RASGEF1A: variants seen among roughly 807,000 people sequenced by gnomAD.
The protein encoded by RASGEF1A is RasGEF domain family member 1A, also known as ras-GEF domain-containing family member 1A.
A neutral mutation model predicts 56.4 loss-of-function variants in RASGEF1A; 18 were observed. The observed-to-expected ratio is 0.32, with a 90% CI of 0.22 to 0.47. The LOEUF (loss-of-function observed/expected upper bound fraction) is 0.47, where lower values mean the gene tolerates loss of function less well. Ranked by LOEUF, RASGEF1A falls within the 20% of genes least tolerant of loss-of-function variation. The probability of loss-of-function intolerance (pLI) is 1.00; values close to 1 mark genes in which losing one functional copy is unlikely to be tolerated. For missense variants in RASGEF1A, 422 were observed against 627.1 expected, an observed-to-expected ratio of 0.67 and a Z score of 3.49; for synonymous variants, 245 against 242.6, an observed-to-expected ratio of 1.01 and a Z score of -0.09.
chr10:43,264,747 C>T (rs991360902), intron 1 of RASGEF1A, among the ~76,000 whole-genome samples: 1 of 151,772 alleles, frequency 6.6e-6, no homozygotes, highest in Non-Finnish European at 1.5e-5. Flanking sequence ...CTGGCACCTA[C>T]CCCCAGCAGC....
In RASGEF1A at chr10:43,196,372, G is replaced by C; in HGVS notation, c.1421+104C>G. On this transcript the variant is annotated intron_variant, in intron 12 of 12. Coordinates refer to ENST00000395810, the MANE Select transcript of RASGEF1A (RefSeq NM_145313.4). This position sits in a 1 kb window ranked among gnomAD's most constrained non-coding sequence, Gnocchi z 4.6. ...ACATGCACCAGGGACCCTGGACCAGGGACGCGGCAGTGCCCAGGCTCCCTT... is the reference window on the plus strand; with the variant it reads ...ACATGCACCAGGGACCCTGGACCAGCGACGCGGCAGTGCCCAGGCTCCCTT... 2 of 1,560,230 alleles carry C rather than the reference G, an allele frequency of 1.3e-6. No individual in the cohort carries two copies. Among genetic ancestry groups the C allele is most frequent in the South Asian group, 2.2e-5 (2 of 89,886 alleles).
chr10:43,221,392 C>T lies in RASGEF1A; in HGVS notation c.-6-15270G>A, dbSNP rs1840205449. Among the ~76,000 whole-genome samples the T allele has an allele frequency of 3.3e-5, 5 of 152,344 alleles. No homozygotes were observed. The South Asian group carries it at 1.0e-3, about 32-fold the overall frequency. On this transcript the variant is annotated intron_variant, in intron 1 of 12. Coordinates refer to ENST00000395810, the MANE Select transcript of RASGEF1A (RefSeq NM_145313.4). ...GAACCTAAGCCAGACACAGCCGTCT[C>T]CATGCCTCCCCAGGGTGGCCCTCCT...
chr10:43,254,835 G>T (rs1160890731), intron 1 of RASGEF1A, among the ~76,000 whole-genome samples: 2 of 152,190 alleles, frequency 1.3e-5, no homozygotes, highest in Non-Finnish European at 2.9e-5. Context: ...AGGGAACAAA[G>T]GAGACAGTCC....
intron 1 of RASGEF1A, among the ~76,000 whole-genome samples, chr10:43,237,333 GT>G (rs1840442754): frequency 6.6e-6 from 1 of 151,984 alleles, no homozygotes; most frequent in South Asian, 2.1e-4. Context: ...CTCCTAGTCT[GT>G]TCTCCTGCTT....
At chr10:43,235,215 A>C (rs1840415052) in intron 1 of RASGEF1A, among the ~76,000 whole-genome samples, 1 of 152,218 alleles carries the variant, frequency 6.6e-6, no homozygotes, top group Admixed American at 6.5e-5. Context: ...TCTGATGCGC[A>C]AGGCAACATC....
intron 2 of RASGEF1A, chr10:43,203,842 G>A: frequency 1.0e-6 from 1 of 974,904 alleles, no homozygotes; most frequent in Non-Finnish European, 1.2e-6. Context: ...GGGGGATGCA[G>A]GGAGGTTGGC....
Position 43,195,054 on chromosome 10 carries a change from TC to T in RASGEF1A, c.*1189del, listed in dbSNP as rs1250341374. The stretch of plus-strand genomic sequence containing the variant: ...ATCCTCACCCAGGCTTCCCCATTGA[TC>T]AAGGCTCCTGCGGAAACTGGGAATG... On this transcript the variant is annotated 3_prime_UTR_variant, in exon 13 of 13. Coordinates refer to ENST00000395810, the MANE Select transcript of RASGEF1A (RefSeq NM_145313.4). This position sits in a 1 kb window ranked among gnomAD's most constrained non-coding sequence, Gnocchi z 4.2. The T allele has an allele frequency of 1.4e-5, 2 of 144,304 alleles. No individual in the cohort carries two copies. The highest frequency in any genetic ancestry group is 5.2e-5 in the African/African-American group (2 of 38,152). The allele number at this position is 144,304 out of a possible 1,614,324, so 8.9% of individuals were successfully genotyped here. A position where few individuals can be genotyped will look rare whatever the true frequency, so the allele number is the denominator to read the frequency against.
intron 1 of RASGEF1A, among the ~76,000 whole-genome samples, chr10:43,236,878 AG>A (rs1329089000): frequency 4.0e-5 from 6 of 151,752 alleles, no homozygotes; most frequent in Admixed American, 1.3e-4. Context: ...GTAGGGGACA[AG>A]GGGGGGATGC....
intron 1 of RASGEF1A, among the ~76,000 whole-genome samples, chr10:43,223,376 A>G (rs1840234053): frequency 6.6e-6 from 1 of 152,218 alleles, no homozygotes; most frequent in African/African-American, 2.4e-5. Flanking sequence ...ACTTCATAAA[A>G]AAAATCCCTA....
chr10:43,260,895 G>C (rs1836516106), intron 1 of RASGEF1A, among the ~76,000 whole-genome samples: 1 of 152,198 alleles, frequency 6.6e-6, no homozygotes, highest in African/African-American at 2.4e-5. Flanking sequence ...AACTCTTTTA[G>C]AGTTATCTAT....
intron 1 of RASGEF1A, among the ~76,000 whole-genome samples, chr10:43,258,176 G>T (rs938128015): frequency 6.6e-6 from 1 of 152,244 alleles, no homozygotes; most frequent in African/African-American, 2.4e-5. Flanking sequence ...CCCTGCGCCA[G>T]TCAACTCTTC....
Position 43,200,762 on chromosome 10 carries a change from T to C in RASGEF1A, c.586A>G (p.Ile196Val), listed in dbSNP as rs777006800. The change falls in exon 5 of 13, where the codon ATC becomes GTC. Residue 196 changes from isoleucine (I) to valine (V), a missense_variant. By Grantham distance (29) the Ile-to-Val change is conservative. Transcript: ENST00000395810. ...LRPPAVDKGP[I>V]LKTKPPAAQK... The stretch of plus-strand genomic sequence containing the variant: ...GCGGCTGGTGGCTTGGTCTTGAGGA[T>C]GGGCCCCTTGTCTACAGCCGGTGGC... The C allele has an allele frequency of 3.0e-5, 49 of 1,613,824 alleles. 1 individual carries two copies. In the Admixed American group the frequency reaches 8.0e-4, roughly 26 times the overall value.
intron 1 of RASGEF1A, chr10:43,208,251 C>T (rs993683040): frequency 6.2e-5 from 61 of 985,322 alleles, no homozygotes; most frequent in Non-Finnish European, 7.2e-5. Flanking sequence ...GGGCATTTGC[C>T]GAGCCACTGG....
At chr10:43,255,249 C>T (rs4285827) in intron 1 of RASGEF1A, among the ~76,000 whole-genome samples, 25,470 of 152,210 alleles carry the variant, frequency 0.17, 2,277 homozygotes, top group South Asian at 0.22. Flanking sequence ...CCTCCAGGCC[C>T]CTCACACCAC....
chr10:43,199,051 G>A lies in RASGEF1A; in HGVS notation c.953-39C>T, dbSNP rs749214533. ...CAGGTAGGGTCAGGGCCGGGGGGGT[G>A]GGCCATGCAGCAGCCCCACCCTGGG... On this transcript the variant is annotated intron_variant, in intron 8 of 12. Coordinates refer to ENST00000395810, the MANE Select transcript of RASGEF1A (RefSeq NM_145313.4). 1.9e-5 allele frequency: 31 copies of A among 1,592,992 alleles called. No individual in the cohort carries two copies. In the Admixed American group the frequency reaches 4.5e-4, roughly 23 times the overall value.
rs1256690112 is a variant in RASGEF1A at position 43,220,369 on chromosome 10, T to C, written c.-6-14247A>G. ...TTAGCCAGGGGCAGTGGCATACACC[T>C]GTAATCCCAGCTACTCAGGAGGCTG... is the stretch of plus-strand genomic sequence containing the variant. On this transcript the variant is annotated intron_variant, in intron 1 of 12. Coordinates refer to ENST00000395810, the MANE Select transcript of RASGEF1A (RefSeq NM_145313.4). Among the ~76,000 whole-genome samples, 32 of 152,084 alleles carry C rather than the reference T, an allele frequency of 2.1e-4. 1 individual carries two copies. Among genetic ancestry groups the C allele is most frequent in the Admixed American group, 2.1e-3 (32 of 15,278 alleles).
chr10:43,263,898 C>T lies in RASGEF1A; in HGVS notation c.-7+2947G>A, dbSNP rs140184225. On this transcript the variant is annotated intron_variant, in intron 1 of 12. Transcript: ENST00000395810. ...GCAGGGGTGGCCACAGCAGCAGTCA[C>T]ACCCCCACCCCGTCCATCACAGCAC... 1.5e-3 allele frequency among the ~76,000 whole-genome samples: 222 copies of T among 152,250 alleles called. 5 individuals are homozygous for T. In the East Asian group the frequency reaches 0.039, roughly 27 times the overall value.
intron 1 of RASGEF1A, among the ~76,000 whole-genome samples, chr10:43,251,895 G>A (rs1323595289): frequency 6.6e-6 from 1 of 152,220 alleles, no homozygotes; most frequent in African/African-American, 2.4e-5. Flanking sequence ...AGGTTCGGAA[G>A]GGACAGGTGA....
At chr10:43,220,015 C>T (rs1684805965) in intron 1 of RASGEF1A, among the ~76,000 whole-genome samples, 1 of 152,174 alleles carries the variant, frequency 6.6e-6, no homozygotes, top group African/African-American at 2.4e-5. Context: ...AGTCTGGCAG[C>T]CTCTGGGAAA....
Sources: gnomAD v4.1 joint callset for allele counts (sites outside exome capture counted in the v4.1 genomes callset) on GRCh38, gnomAD v4.1.1 for gene constraint, Gnocchi (gnomAD v3.1) non-coding constraint, MANE v1.5 for transcripts, NCBI Gene and HGNC (gene_info 2026-07-23, HGNC 2026-07-21) for gene names.